Variants in SYAP1 observed in about 807,000 individuals in gnomAD.
The protein encoded by SYAP1 is synapse associated protein 1, also known as synapse-associated protein 1.
A neutral mutation model predicts 29.6 loss-of-function variants in SYAP1; 3 were observed. The ratio of observed to expected loss-of-function variants is 0.10; its 90% CI spans 0.05 to 0.26. The LOEUF is 0.26. Ranked by LOEUF, SYAP1 falls within the 10% of genes least tolerant of loss-of-function variation. SYAP1 has a pLI of 1.00. For missense variants in SYAP1, 217 were observed against 264.1 expected, an observed-to-expected ratio of 0.82 and a Z score of 1.24; for synonymous variants, 102 against 102.7, an observed-to-expected ratio of 0.99 and a Z score of 0.04.
At chrX:16,728,295 A>G (rs1346835547) in intron 1 of SYAP1, among the ~76,000 whole-genome samples, 5 of 111,565 alleles carry the variant, frequency 4.5e-5, no homozygotes, top group African/African-American at 1.6e-4. Context: ...TGATGTCACA[A>G]TCTCCAAAGT....
intron 1 of SYAP1, among the ~76,000 whole-genome samples, chrX:16,732,855 GC>G (rs760894983): frequency 1.8e-5 from 2 of 112,318 alleles, no homozygotes; most frequent in Non-Finnish European, 3.8e-5. Context: ...GTATCAGACA[GC>G]CCAGGTCCCT....
At chrX:16,721,965 A>AAC (rs943244667) in intron 1 of SYAP1, among the ~76,000 whole-genome samples, 2 of 112,258 alleles carry the variant, frequency 1.8e-5, no homozygotes, top group Admixed American at 9.5e-5. Flanking sequence ...AGTACCCACA[A>AAC]ACACACACAC....
chrX:16,741,576 G>T, intron 3 of SYAP1, 140 bp from the exon 4 acceptor site: 2 of 409,162 alleles, frequency 4.9e-6, no homozygotes, highest in Admixed American at 4.4e-5. Flanking sequence ...TACGGTTAAT[G>T]TTCATATTTG....
intron 1 of SYAP1, among the ~76,000 whole-genome samples, chrX:16,732,968 AAAACACAGGATGTGCGGAGGG>A (rs1272157169): frequency 8.9e-6 from 1 of 112,184 alleles, no homozygotes; most frequent in Non-Finnish European, 1.9e-5. Flanking sequence ...AACAGTCTTC[AAAACACAGGATGTGCGGAGGG>A]AACACATCTC....
intron 3 of SYAP1, among the ~76,000 whole-genome samples, chrX:16,739,904 C>G (rs942287515): frequency 1.8e-5 from 2 of 111,424 alleles, no homozygotes; most frequent in Non-Finnish European, 3.8e-5. Flanking sequence ...CCATCCTAAT[C>G]TTGCCGCTGT....
At chrX:16,747,842 G>A (rs978678822) in intron 5 of SYAP1, among the ~76,000 whole-genome samples, 1 of 111,751 alleles carries the variant, frequency 8.9e-6, no homozygotes. Flanking sequence ...CATCACTTTC[G>A]GAGGCCGAGG....
chrX:16,735,916 C>T lies in SYAP1; in HGVS notation c.295-250C>T, dbSNP rs747110503. Among the ~76,000 whole-genome samples the T allele has an allele frequency of 7.1e-5, 8 of 112,723 alleles. No individual in the cohort carries two copies. The South Asian group carries it at 1.1e-3, about 15-fold the overall frequency. Reference sequence around the variant, plus strand: ...CTGGGATTACAGGCATGAGCCACCACGCCTGGCCAACTTTTCATGTTGTGA... The same window carrying T: ...CTGGGATTACAGGCATGAGCCACCATGCCTGGCCAACTTTTCATGTTGTGA... On this transcript the variant is annotated intron_variant, in intron 2 of 8. Transcript: ENST00000380155.
chrX:16,759,307 G>A (rs770949893), intron 8 of SYAP1, among the ~76,000 whole-genome samples: 132 of 109,681 alleles, frequency 1.2e-3, no homozygotes, highest in African/African-American at 3.1e-3. Context: ...AGAGGTTGCA[G>A]TGAGCCGAGA....
chrX:16,740,522 A>C (rs1368013982), intron 3 of SYAP1, among the ~76,000 whole-genome samples: 1 of 110,351 alleles, frequency 9.1e-6, no homozygotes, highest in African/African-American at 3.3e-5. Flanking sequence ...TCTATTTGGA[A>C]AAAATTTTAA....
intron 1 of SYAP1, among the ~76,000 whole-genome samples, chrX:16,722,442 C>T (rs914666940): frequency 4.6e-5 from 5 of 108,745 alleles, no homozygotes; most frequent in East Asian, 2.9e-4. Context: ...GCGGGAGAAT[C>T]GCTTGAACCC....
At chrX:16,721,562 C>T (rs1925961050) in intron 1 of SYAP1, among the ~76,000 whole-genome samples, 1 of 111,646 alleles carries the variant, frequency 9.0e-6, no homozygotes, top group Non-Finnish European at 1.9e-5. Context: ...TAGTCTTGCT[C>T]TGTCGCCCAG....
chrX:16,731,414 G>T (rs952139832), intron 1 of SYAP1, among the ~76,000 whole-genome samples: 1 of 111,557 alleles, frequency 9.0e-6, no homozygotes, highest in African/African-American at 3.3e-5. Flanking sequence ...AAAGTGATCT[G>T]CCGTAACTGA....
chrX:16,745,313 G>A (rs978118655), intron 5 of SYAP1, among the ~76,000 whole-genome samples: 1 of 112,215 alleles, frequency 8.9e-6, no homozygotes, highest in Non-Finnish European at 1.9e-5. Flanking sequence ...GTCCCTGAGT[G>A]TAGAGCAGCT....
chrX:16,741,545 CATAATA>C (rs1190197442), intron 3 of SYAP1, among the ~76,000 whole-genome samples, 165 bp from the exon 4 acceptor site: 1 of 109,691 alleles, frequency 9.1e-6, no homozygotes, highest in Admixed American at 9.9e-5. Context: ...GCATATAACT[CATAATA>C]ATAAGTCTGG....
At chrX:16,726,430 C>T (rs1346717472) in intron 1 of SYAP1, among the ~76,000 whole-genome samples, 2 of 110,450 alleles carry the variant, frequency 1.8e-5, no homozygotes, top group Admixed American at 2.0e-4. Flanking sequence ...CTTCAGACCC[C>T]CCAGTAAAAC....
chrX:16,735,372 G>A, intron 2 of SYAP1, 27 bp downstream of exon 2: 1 of 913,289 alleles, frequency 1.1e-6, no homozygotes, highest in Non-Finnish European at 1.5e-6. Flanking sequence ...TTTGGAAGTA[G>A]AAATGTATGA....
At chrX:16,720,048 G>T in intron 1 of SYAP1, 149 bp downstream of exon 1, 1 of 565,941 alleles carries the variant, frequency 1.8e-6, no homozygotes, top group Non-Finnish European at 2.8e-6. Flanking sequence ...AGTCCTCTCC[G>T]GGTCGGGAGA....
At chrX:16,748,736 A>C (rs1031583837) in intron 5 of SYAP1, among the ~76,000 whole-genome samples, 2 of 105,535 alleles carry the variant, frequency 1.9e-5, no homozygotes, top group Admixed American at 1.0e-4. Context: ...TGCTGTGCTC[A>C]ATTAATTTTT....
chrX:16,742,076 C>T (rs1926472300), intron 4 of SYAP1, among the ~76,000 whole-genome samples: 1 of 105,878 alleles, frequency 9.4e-6, no homozygotes, highest in African/African-American at 3.5e-5. Context: ...AATGATTCTC[C>T]TGCCTCAGCC....
Sources: gnomAD v4.1 joint callset for allele counts (sites outside exome capture counted in the v4.1 genomes callset) on GRCh38, gnomAD v4.1.1 for gene constraint, MANE v1.5 for transcripts, NCBI Gene and HGNC (gene_info 2026-07-23, HGNC 2026-07-21) for gene names.